ARB2A: variants seen among roughly 807,000 people sequenced by gnomAD.
The protein encoded by ARB2A is cotranscriptional regulator ARB2A.
chr5:93,806,487 T>G, the ARB2A span, among the ~76,000 whole-genome samples: 9 of 152,024 alleles, frequency 5.9e-5, no homozygotes, highest in African/African-American at 2.2e-4. Context: ...TAACTCTATT[T>G]ATAAACACTG....
chr5:93,907,360 C>T, the ARB2A span, among the ~76,000 whole-genome samples: 167 of 151,586 alleles, frequency 1.1e-3, no homozygotes, highest in African/African-American at 3.9e-3. Context: ...GAAAATTTTA[C>T]ACCATTTCAA....
chr5:93,960,743 A>G, the ARB2A span, among the ~76,000 whole-genome samples: 1 of 152,240 alleles, frequency 6.6e-6, no homozygotes, highest in South Asian at 2.1e-4. Context: ...ACATAATTAT[A>G]GAGAATTTTA....
At chr5:93,966,883 C>T in the ARB2A span, among the ~76,000 whole-genome samples, 3 of 152,030 alleles carry the variant, frequency 2.0e-5, no homozygotes, top group Non-Finnish European at 4.4e-5. Context: ...ACTATAATTT[C>T]GGTCTCCTAC....
At chr5:93,621,334 C>G in the ARB2A span, among the ~76,000 whole-genome samples, 1 of 152,106 alleles carries the variant, frequency 6.6e-6, no homozygotes, top group South Asian at 2.1e-4. Context: ...AGCCGACTCC[C>G]AGGGCACAAC....
At chr5:93,665,312 G>A in the ARB2A span, among the ~76,000 whole-genome samples, 1 of 152,132 alleles carries the variant, frequency 6.6e-6, no homozygotes, top group Non-Finnish European at 1.5e-5. Flanking sequence ...AAAACCAACT[G>A]AGTCACAGAT....
At chr5:93,659,976 A>G in the ARB2A span, among the ~76,000 whole-genome samples, 1 of 152,018 alleles carries the variant, frequency 6.6e-6, no homozygotes, top group Non-Finnish European at 1.5e-5. Context: ...ATATGTATGG[A>G]CAGAAGGAAT....
At chr5:93,711,316 A>C in the ARB2A span, among the ~76,000 whole-genome samples, 19 of 151,784 alleles carry the variant, frequency 1.3e-4, no homozygotes, top group Non-Finnish European at 2.8e-4. Context: ...ATGGGGTAAA[A>C]CTCTATTGTA....
At chr5:93,763,353 T>A in the ARB2A span, among the ~76,000 whole-genome samples, 1 of 152,044 alleles carries the variant, frequency 6.6e-6, no homozygotes, top group Non-Finnish European at 1.5e-5. Context: ...TGGAGGAAGA[T>A]CTACCAAGCA....
At chr5:93,679,216 A>AAAACT in the ARB2A span, among the ~76,000 whole-genome samples, 1 of 152,144 alleles carries the variant, frequency 6.6e-6, no homozygotes, top group Non-Finnish European at 1.5e-5. Context: ...TGCTACATAG[A>AAAACT]AAACTAAATA....
chr5:93,831,614 C>T, the ARB2A span, among the ~76,000 whole-genome samples: 2 of 151,988 alleles, frequency 1.3e-5, no homozygotes, highest in Non-Finnish European at 2.9e-5. Flanking sequence ...AGGGTGGTAG[C>T]AGAGTGAATG....
At chr5:93,942,850 T>G in the ARB2A span, among the ~76,000 whole-genome samples, 1 of 152,132 alleles carries the variant, frequency 6.6e-6, no homozygotes, top group Non-Finnish European at 1.5e-5. Flanking sequence ...GCTGTAGATG[T>G]GTACATGTGT....
chr5:93,930,633 G>A, the ARB2A span, among the ~76,000 whole-genome samples: 3 of 152,164 alleles, frequency 2.0e-5, no homozygotes, highest in Non-Finnish European at 4.4e-5. Flanking sequence ...AAGAGCACCA[G>A]ATGAGTTCAA....
the ARB2A span, among the ~76,000 whole-genome samples, chr5:93,904,822 G>A: frequency 6.6e-6 from 1 of 151,446 alleles, no homozygotes; most frequent in African/African-American, 2.4e-5. Context: ...TCTAATCTCT[G>A]GATATTAAGA....
chr5:93,621,078 T>G, the ARB2A span: 13 of 1,611,728 alleles, frequency 8.1e-6, no homozygotes, highest in Non-Finnish European at 2.5e-6. Flanking sequence ...GGTAAAGAAT[T>G]TGAAAATAGA....
the ARB2A span, among the ~76,000 whole-genome samples, chr5:93,870,731 G>A: frequency 2.6e-5 from 4 of 152,224 alleles, no homozygotes; most frequent in African/African-American, 7.2e-5. Context: ...CCACATAAGG[G>A]GGGGTGGAAG....
the ARB2A span, among the ~76,000 whole-genome samples, chr5:93,826,553 G>C: frequency 6.6e-6 from 1 of 151,972 alleles, no homozygotes; most frequent in Admixed American, 6.6e-5. Context: ...TCCATATCCA[G>C]CTGAAATCTG....
chr5:93,911,483 A>G, the ARB2A span, among the ~76,000 whole-genome samples: 8 of 151,866 alleles, frequency 5.3e-5, no homozygotes, highest in East Asian at 1.5e-3. Flanking sequence ...AAATCTATGA[A>G]GAAGTACACA....
chr5:93,930,631 C>T, the ARB2A span, among the ~76,000 whole-genome samples: 2 of 152,122 alleles, frequency 1.3e-5, no homozygotes, highest in Admixed American at 6.5e-5. Context: ...AGAAGAGCAC[C>T]AGATGAGTTC....
the ARB2A span, among the ~76,000 whole-genome samples, chr5:93,724,984 G>A: frequency 6.6e-6 from 1 of 152,100 alleles, no homozygotes; most frequent in Non-Finnish European, 1.5e-5. Context: ...GGCATATATG[G>A]AGTGAATATG....
Sources: allele counts gnomAD v4.1 joint callset (sites outside exome capture counted in the v4.1 genomes callset), GRCh38; gene constraint gnomAD v4.1.1; transcripts MANE v1.5; gene names NCBI Gene and HGNC (gene_info 2026-07-23, HGNC 2026-07-21).